Variants in CDK14 observed in about 807,000 individuals in gnomAD.
CDK14 encodes cyclin dependent kinase 14, also known as cyclin-dependent kinase 14.
In CDK14, 34 loss-of-function variants were observed where a neutral mutation model predicts 60.7. That is an observed-to-expected ratio of 0.56 (90% CI 0.43 to 0.75). The LOEUF (loss-of-function observed/expected upper bound fraction) is 0.75. CDK14 is among the 30% of genes least tolerant of loss of function. The probability of loss-of-function intolerance (pLI) is 0.00; values close to 1 mark genes in which losing one functional copy is unlikely to be tolerated. For missense variants in CDK14, 482 were observed against 564.1 expected (o/e 0.85, Z 1.47); for synonymous variants, 197 against 203.7 (o/e 0.97, Z 0.28).
At chr7:91,091,447 G>GTATATAAATTGTATATACATATATACA in intron 12 of CDK14, among the ~76,000 whole-genome samples, 3 of 133,168 alleles carry the variant, frequency 2.3e-5, no homozygotes, top group Non-Finnish European at 4.7e-5. Context: ...ATACACATAT[G>GTATATAAATTGTATATACATATATACA]TATATAATTT....
chr7:90,742,145 A>C (rs540817472), intron 3 of CDK14, among the ~76,000 whole-genome samples: 4 of 152,170 alleles, frequency 2.6e-5, no homozygotes, highest in South Asian at 4.1e-4. Context: ...GCTAGTTAAA[A>C]GCATTTTATA....
intron 5 of CDK14, among the ~76,000 whole-genome samples, chr7:90,814,584 C>T (rs1205419912): frequency 6.6e-6 from 1 of 151,950 alleles, no homozygotes; most frequent in African/African-American, 2.4e-5. Flanking sequence ...GAGTTCGAGA[C>T]CAGCCTGGCC....
At chr7:90,656,189 G>A (rs1361807645) in intron 2 of CDK14, among the ~76,000 whole-genome samples, 1 of 151,936 alleles carries the variant, frequency 6.6e-6, no homozygotes, top group Non-Finnish European at 1.5e-5. Context: ...CCTCATATGG[G>A]GTATATTAAT....
intron 8 of CDK14, among the ~76,000 whole-genome samples, chr7:90,938,963 C>T (rs1793833174): frequency 6.6e-6 from 1 of 152,108 alleles, no homozygotes; most frequent in South Asian, 2.1e-4. Flanking sequence ...AACATATAGT[C>T]ATAATTTCCA....
intron 10 of CDK14, among the ~76,000 whole-genome samples, chr7:91,021,822 C>T (rs901647724): frequency 6.6e-6 from 1 of 152,158 alleles, no homozygotes; most frequent in Non-Finnish European, 1.5e-5. Flanking sequence ...TTAATTGAAG[C>T]CTGTGACTCT....
chr7:90,662,494 C>T (rs998144681), intron 2 of CDK14, among the ~76,000 whole-genome samples: 1 of 152,198 alleles, frequency 6.6e-6, no homozygotes, highest in African/African-American at 2.4e-5. Flanking sequence ...TTGAATACTT[C>T]ATTGGCATGA....
chr7:90,733,860 G>C (rs142886112), intron 3 of CDK14, among the ~76,000 whole-genome samples: 1 of 152,294 alleles, frequency 6.6e-6, no homozygotes, highest in East Asian at 1.9e-4. Flanking sequence ...TATGATGCTA[G>C]CTGGTTATTT....
intron 2 of CDK14, among the ~76,000 whole-genome samples, chr7:90,610,157 C>G (rs999534086): frequency 6.6e-6 from 1 of 152,156 alleles, no homozygotes; most frequent in Admixed American, 6.5e-5. Flanking sequence ...CATTCTCCCC[C>G]ATAGTTCCTT....
At chr7:90,669,912 A>G (rs570430662) in intron 2 of CDK14, among the ~76,000 whole-genome samples, 21 of 152,348 alleles carry the variant, frequency 1.4e-4, no homozygotes, top group African/African-American at 4.8e-4. Flanking sequence ...GTGGGTAACT[A>G]TTGAGGAGGG....
chr7:90,993,873 AAT>A (rs1302384303), intron 10 of CDK14, among the ~76,000 whole-genome samples: 42 of 152,174 alleles, frequency 2.8e-4, no homozygotes, highest in African/African-American at 9.9e-4. Context: ...ACCACCTGTA[AAT>A]ATTTCCCAGT....
intron 3 of CDK14, among the ~76,000 whole-genome samples, chr7:90,743,447 A>AT (rs964301405): frequency 3.3e-5 from 5 of 151,930 alleles, no homozygotes; most frequent in East Asian, 1.9e-4. Flanking sequence ...CTAATCTATG[A>AT]TTTTTTTTGG....
chr7:91,102,311 C>T (rs908910982), intron 12 of CDK14, among the ~76,000 whole-genome samples: 1 of 152,150 alleles, frequency 6.6e-6, no homozygotes, highest in Admixed American at 6.5e-5. Context: ...GACATAGGCC[C>T]ATAGTGAGTG....
At chr7:90,994,423 C>G (rs1584209734) in intron 10 of CDK14, among the ~76,000 whole-genome samples, 1 of 152,196 alleles carries the variant, frequency 6.6e-6, no homozygotes. Context: ...GTAACTCTCT[C>G]CTGGTCAGAG....
chr7:90,719,427 C>T (rs1802365579), intron 2 of CDK14, among the ~76,000 whole-genome samples: 1 of 152,152 alleles, frequency 6.6e-6, no homozygotes, highest in Admixed American at 6.5e-5. Flanking sequence ...TGAATGCCAA[C>T]CTTAACTGAA....
chr7:90,599,863 TGAG>T (rs1799279215), intron 1 of CDK14, among the ~76,000 whole-genome samples: 1 of 152,232 alleles, frequency 6.6e-6, no homozygotes, highest in African/African-American at 2.4e-5. Context: ...CTATTGAAAA[TGAG>T]GAAATATTTG....
intron 11 of CDK14, among the ~76,000 whole-genome samples, chr7:91,058,694 G>A (rs1167196742): frequency 1.3e-5 from 2 of 152,150 alleles, no homozygotes; most frequent in African/African-American, 4.8e-5. Flanking sequence ...CTGTTTATAT[G>A]CTGGATTACA....
rs1457869466 is a variant in CDK14 at position 90,773,644 on chromosome 7, T to C, written c.465-16929T>C. Among the ~76,000 whole-genome samples the C allele has an allele frequency of 3.9e-5, 6 of 152,334 alleles. No individual in the cohort carries two copies. In the East Asian group the frequency reaches 1.2e-3, roughly 29 times the overall value. On this transcript the variant is annotated intron_variant, in intron 4 of 14. Transcript: ENST00000380050. ...GCCTCAGCTTCCCAACTAGCTGAAA[T>C]TAAAGGTGTGAGCCACCTCGCCTGG...
intron 14 of CDK14, among the ~76,000 whole-genome samples, chr7:91,188,002 C>G (rs745492526): frequency 1.4e-4 from 22 of 152,172 alleles, no homozygotes; most frequent in Non-Finnish European, 2.6e-4. Flanking sequence ...CGGCATTCAT[C>G]CGTGCAAGCT....
intron 8 of CDK14, among the ~76,000 whole-genome samples, chr7:90,921,514 C>G (rs1243784560): frequency 6.6e-6 from 1 of 152,030 alleles, no homozygotes; most frequent in Non-Finnish European, 1.5e-5. Flanking sequence ...AAGGCGGGAA[C>G]TTGACCTGTT....
Sources: allele counts gnomAD v4.1 joint callset (sites outside exome capture counted in the v4.1 genomes callset), GRCh38; gene constraint gnomAD v4.1.1; transcripts MANE v1.5; gene names NCBI Gene and HGNC (gene_info 2026-07-23, HGNC 2026-07-21).